Variants in IQCK observed in about 807,000 individuals in gnomAD.
IQCK encodes the protein IQ domain-containing protein K.
A neutral mutation model predicts 28.1 loss-of-function variants in IQCK; 29 were observed. The ratio of observed to expected loss-of-function variants is 1.03; its 90% CI spans 0.77 to 1.41. The LOEUF is 1.41. Ranked by LOEUF, IQCK falls within the 40% of genes most tolerant of loss-of-function variation. The probability of loss-of-function intolerance (pLI) is 0.00; values close to 1 mark genes in which losing one functional copy is unlikely to be tolerated. For missense variants in IQCK, 359 were observed against 314.7 expected, an observed-to-expected ratio of 1.14 and a Z score of -1.07; for synonymous variants, 113 against 115.1, an observed-to-expected ratio of 0.98 and a Z score of 0.12.
chr16:19,814,786 CTT>C (rs35073247), intron 7 of IQCK, among the ~76,000 whole-genome samples: 36 of 122,364 alleles, frequency 2.9e-4, no homozygotes, highest in Middle Eastern at 4.4e-3. Flanking sequence ...TAAAGAGGGT[CTT>C]TTTTTTTTTT....
chr16:19,779,543 C>T (rs1025898307), intron 6 of IQCK, among the ~76,000 whole-genome samples: 2 of 152,092 alleles, frequency 1.3e-5, no homozygotes, highest in African/African-American at 4.8e-5. Flanking sequence ...CACTATATTA[C>T]ATTGACTCCA....
chr16:19,743,269 TGTA>T (rs2054862545), intron 4 of IQCK, among the ~76,000 whole-genome samples: 1 of 152,226 alleles, frequency 6.6e-6, no homozygotes, highest in Non-Finnish European at 1.5e-5. Flanking sequence ...TTCAGTTTGT[TGTA>T]GTTATTACAC....
intron 7 of IQCK, among the ~76,000 whole-genome samples, chr16:19,815,071 G>A (rs1597583295): frequency 1.3e-5 from 2 of 152,282 alleles, no homozygotes; most frequent in East Asian, 1.9e-4. Flanking sequence ...ATAGGCGTGA[G>A]CCACTACGCC....
chr16:19,832,224 A>ATG lies in IQCK; in HGVS notation c.802+5095_802+5096dup, dbSNP rs2056241105. On this transcript the variant is annotated intron_variant, in intron 9 of 9. Coordinates refer to the IQCK transcript ENST00000320394. ...CCCATAACATCAGATTACATTACCTATGTGTGTGTATATATATATGCACAC... is the reference window on the plus strand; with the variant it reads ...CCCATAACATCAGATTACATTACCTATGTGTGTGTGTATATATATATGCACAC... Among the ~76,000 whole-genome samples, 24 of 151,990 alleles carry ATG rather than the reference A, an allele frequency of 1.6e-4. No homozygotes were observed. In the South Asian group the frequency reaches 4.8e-3, roughly 30 times the overall value.
chr16:19,835,678 G>A (rs981095381), intron 9 of IQCK, among the ~76,000 whole-genome samples: 9 of 150,182 alleles, frequency 6.0e-5, no homozygotes, highest in Non-Finnish European at 1.3e-4. Context: ...TCCACCTCCC[G>A]GGTTCAAGTG....
At chr16:19,770,293 A>G (rs565602291) in intron 6 of IQCK, among the ~76,000 whole-genome samples, 1 of 152,256 alleles carries the variant, frequency 6.6e-6, no homozygotes, top group South Asian at 2.1e-4. Flanking sequence ...TTGATTTTAA[A>G]TGACTGACAA....
intron 4 of IQCK, among the ~76,000 whole-genome samples, chr16:19,752,538 G>C (rs970110497): frequency 6.6e-6 from 1 of 152,104 alleles, no homozygotes; most frequent in East Asian, 1.9e-4. Flanking sequence ...GTCCTAAGTA[G>C]AAAGGGATTG....
chr16:19,722,640 T>C (rs1046634315), intron 1 of IQCK, among the ~76,000 whole-genome samples: 3 of 152,180 alleles, frequency 2.0e-5, no homozygotes, highest in African/African-American at 7.2e-5. Context: ...CTGCAGGCAC[T>C]GTTTTAGACG....
Position 19,764,119 on chromosome 16 carries a change from A to G in IQCK, c.605+7A>G. ...AGGAGCGGCTAAAGCAACAGTGAGT[A>G]TGACACAAGGCTTTGAATAATTTAT... is the stretch of plus-strand genomic sequence containing the variant. On this transcript the variant is annotated splice_region_variant and intron_variant, in intron 6 of 7. Coordinates refer to ENST00000564186, the Ensembl canonical transcript of IQCK. The G allele has an allele frequency of 6.2e-7, 1 of 1,601,020 alleles. No homozygotes were observed. Among genetic ancestry groups the G allele is most frequent in the South Asian group, 1.1e-5 (1 of 90,408 alleles).
intron 4 of IQCK, among the ~76,000 whole-genome samples, chr16:19,754,137 A>G (rs1034090505): frequency 2.0e-5 from 3 of 151,984 alleles, no homozygotes; most frequent in Non-Finnish European, 4.4e-5. Context: ...AACCATCTGC[A>G]CCTACTGTCA....
intron 4 of IQCK, among the ~76,000 whole-genome samples, chr16:19,754,131 A>G (rs1597522041): frequency 6.6e-6 from 1 of 152,160 alleles, no homozygotes; most frequent in East Asian, 1.9e-4. Flanking sequence ...GGAGTTAACC[A>G]TCTGCACCTA....
intron 4 of IQCK, among the ~76,000 whole-genome samples, chr16:19,739,104 C>T (rs1028464142): frequency 3.0e-4 from 46 of 152,190 alleles, no homozygotes; most frequent in African/African-American, 9.6e-4. Flanking sequence ...AGCTTTCCCT[C>T]CTCTCTTAAA....
intron 9 of IQCK, among the ~76,000 whole-genome samples, chr16:19,835,259 G>A (rs900240009): frequency 6.6e-6 from 1 of 151,968 alleles, no homozygotes; most frequent in South Asian, 2.1e-4. Context: ...CTCTAGCCTG[G>A]GTGACAGAGC....
At chr16:19,756,745 A>C (rs1264530000) in intron 4 of IQCK, among the ~76,000 whole-genome samples, 1 of 151,978 alleles carries the variant, frequency 6.6e-6, no homozygotes. Flanking sequence ...AAACTACAAA[A>C]AATTAGCCGG....
chr16:19,780,104 C>T (rs557930726), intron 6 of IQCK, among the ~76,000 whole-genome samples: 13 of 151,252 alleles, frequency 8.6e-5, no homozygotes, highest in South Asian at 2.1e-4. Context: ...TGCAGTGGTG[C>T]GCTCTCAGCT....
At chr16:19,816,647 T>G (rs1382197084) in intron 7 of IQCK, among the ~76,000 whole-genome samples, 1 of 152,232 alleles carries the variant, frequency 6.6e-6, no homozygotes, top group Non-Finnish European at 1.5e-5. Context: ...ATTTATATAT[T>G]CAATACTTTG....
intron 4 of IQCK, chr16:19,762,066 G>A (rs1567546953): frequency 6.6e-6 from 1 of 152,538 alleles, no homozygotes; most frequent in Non-Finnish European, 1.5e-5. Flanking sequence ...GCAGAAATCA[G>A]GAAAGCAGAA....
rs1303420315 is a variant in IQCK at position 19,825,323 on chromosome 16, C to G, written c.691-1703C>G. 6.6e-6 allele frequency among the ~76,000 whole-genome samples: 1 copy of G among 151,918 alleles called. No homozygotes were observed. The highest frequency in any genetic ancestry group is 2.4e-5 in the African/African-American group (1 of 41,328). On this transcript the variant is annotated intron_variant, in intron 7 of 7. Coordinates refer to ENST00000564186, the Ensembl canonical transcript of IQCK. The surrounding 1 kb of genome is among the most constrained non-coding windows in gnomAD (Gnocchi z 4.2). ...TTCACTTGAGGTCAGGAGTTCGAGA[C>G]CAGCCTGACCAACATGGTAAAACCC...
At chr16:19,844,747 T>TAACAAC in intron 9 of IQCK, among the ~76,000 whole-genome samples, 1 of 152,166 alleles carries the variant, frequency 6.6e-6, no homozygotes, top group South Asian at 2.1e-4. Flanking sequence ...GTAAAAACAA[T>TAACAAC]AACAACAACA....
Sources: allele counts gnomAD v4.1 joint callset (sites outside exome capture counted in the v4.1 genomes callset), GRCh38; gene constraint gnomAD v4.1.1; non-coding constraint Gnocchi (gnomAD v3.1); transcripts MANE v1.5; gene names NCBI Gene and HGNC (gene_info 2026-07-23, HGNC 2026-07-21).